ATP6V0A2: variants seen among roughly 807,000 people sequenced by gnomAD.
The protein encoded by ATP6V0A2 is V-type proton ATPase 116 kDa subunit a 2.
A neutral mutation model predicts 104.4 loss-of-function variants in ATP6V0A2; 58 were observed. That is an observed-to-expected ratio of 0.56 (90% CI 0.45 to 0.69). ATP6V0A2 has a LOEUF of 0.69. ATP6V0A2 is among the 30% of genes least tolerant of loss of function. The probability of loss-of-function intolerance (pLI) is 0.00; values close to 1 mark genes in which losing one functional copy is unlikely to be tolerated. For synonymous variants in ATP6V0A2, 376 were observed against 397.9 expected (o/e 0.95, Z 0.65); for missense variants, 938 against 1,062.9 (o/e 0.88, Z 1.63).
At chr12:123,720,425 G>C (rs1258474923) in intron 2 of ATP6V0A2, among the ~76,000 whole-genome samples, 1 of 152,188 alleles carries the variant, frequency 6.6e-6, no homozygotes. Context: ...GGCTGGGCAC[G>C]ATGGCTCACG....
At chr12:123,746,414 C>T (rs1389654782) in intron 13 of ATP6V0A2, among the ~76,000 whole-genome samples, 1 of 151,696 alleles carries the variant, frequency 6.6e-6, no homozygotes, top group African/African-American at 2.4e-5. Context: ...CCCTGAATAC[C>T]TCATTCTAAA....
At chr12:123,715,200 A>C (rs576925182) in intron 1 of ATP6V0A2, among the ~76,000 whole-genome samples, 1 of 152,258 alleles carries the variant, frequency 6.6e-6, no homozygotes, top group South Asian at 2.1e-4. Flanking sequence ...TTGTAGAAAC[A>C]TCATGCCCAT....
In ATP6V0A2 at chr12:123,737,270, C is replaced by G; in HGVS notation, c.1037C>G (p.Ser346Trp). ...QDLRRALEEG[S>W]RESGATIPSF... ...CTGCGCCGGGCACTGGAGGAGGGCT[C>G]GGTAAGGCTGCCTTCCTCTCCTCTG... is the stretch of plus-strand genomic sequence containing the variant. Residue 346 changes from serine to tryptophan, a missense_variant and splice_region_variant, in exon 9 of 20, where the codon TCG (serine) becomes TGG (tryptophan). Coordinates refer to ENST00000330342, the MANE Select transcript of ATP6V0A2 (RefSeq NM_012463.4). 6.2e-7 allele frequency: 1 copy of G among 1,613,838 alleles called. No homozygotes were observed. Among genetic ancestry groups the G allele is most frequent in the Non-Finnish European group, 8.5e-7 (1 of 1,179,934 alleles).
chr12:123,751,250 A>C, intron 16 of ATP6V0A2, 21 bp downstream of exon 16: 1 of 1,614,140 alleles, frequency 6.2e-7, no homozygotes, highest in Non-Finnish European at 8.5e-7. Flanking sequence ...GTTTGGATGC[A>C]TTTACAACTG....
chr12:123,727,445 A>G (rs1384927771), intron 5 of ATP6V0A2, among the ~76,000 whole-genome samples: 1 of 151,942 alleles, frequency 6.6e-6, no homozygotes, highest in African/African-American at 2.4e-5. Flanking sequence ...CGCCTGGCTA[A>G]TTTTTGTATT....
intron 6 of ATP6V0A2, chr12:123,731,114 T>G (rs1204098019): frequency 6.6e-6 from 1 of 152,194 alleles, no homozygotes; most frequent in Non-Finnish European, 1.5e-5. Context: ...GTCCCCACGG[T>G]TATAAAGAAA....
intron 6 of ATP6V0A2, chr12:123,730,999 C>T (rs1455794171): frequency 2.0e-5 from 3 of 152,200 alleles, no homozygotes; most frequent in Admixed American, 1.3e-4. Context: ...AGCCACCATG[C>T]CTGGCCTCTT....
chr12:123,741,990 A>T (rs2135907052), intron 9 of ATP6V0A2, among the ~76,000 whole-genome samples: 1 of 151,646 alleles, frequency 6.6e-6, no homozygotes, highest in South Asian at 2.1e-4. Flanking sequence ...TCTCTTGTGA[A>T]CTCCTCTGTC....
chr12:123,715,626 A>G (rs1233972992), intron 1 of ATP6V0A2, among the ~76,000 whole-genome samples: 2 of 152,164 alleles, frequency 1.3e-5, no homozygotes, highest in Non-Finnish European at 2.9e-5. Flanking sequence ...ATATACTGTA[A>G]ATTGTTGAAG....
intron 14 of ATP6V0A2, among the ~76,000 whole-genome samples, 178 bp from the exon 15 acceptor site, chr12:123,748,397 G>A (rs962843111): frequency 6.6e-6 from 1 of 152,210 alleles, no homozygotes; most frequent in African/African-American, 2.4e-5. Flanking sequence ...AGTTTTGGCC[G>A]ACCTCACGTC....
rs148134134 is a variant in ATP6V0A2 at position 123,753,392 on chromosome 12, C to T, written c.2175+990C>T. ...ACAAGAGACTTGTTTCTCACAGCCC[C>T]GGAGGCTGGCAGGCCCGGACTGAGA... On this transcript the variant is annotated intron_variant, in intron 17 of 19. Transcript: ENST00000330342. 7.5e-3 allele frequency among the ~76,000 whole-genome samples: 1,149 copies of T among 152,348 alleles called. 11 individuals are homozygous for T. Among genetic ancestry groups the T allele is most frequent in the Non-Finnish European group, 0.012 (820 of 68,028 alleles).
chr12:123,722,326 A>G, intron 2 of ATP6V0A2, 25 bp from the exon 3 acceptor site: 2 of 1,332,028 alleles, frequency 1.5e-6, no homozygotes, highest in Non-Finnish European at 2.2e-6. Context: ...TTTAGTATCT[A>G]ATTGTTTAAC....
In ATP6V0A2 at chr12:123,735,524, C is replaced by T; in HGVS notation, c.732-7C>T. On this transcript the variant is annotated splice_polypyrimidine_tract_variant and splice_region_variant and intron_variant, in intron 7 of 19. Transcript: ENST00000330342. ...ATGTGAGACTGTGTTCAACTCTTGT[C>T]TTCCAGCTACCACTGCCACGTGTAC... 6.2e-7 allele frequency: 1 copy of T among 1,613,368 alleles called. No homozygotes were observed. Among genetic ancestry groups the T allele is most frequent in the Non-Finnish European group, 8.5e-7 (1 of 1,179,430 alleles).
rs534203250 is a variant in ATP6V0A2 at position 123,741,189 on chromosome 12, T to C, written c.1039-2596T>C. On this transcript the variant is annotated intron_variant, in intron 9 of 19. Coordinates refer to ENST00000330342, the MANE Select transcript of ATP6V0A2 (RefSeq NM_012463.4). ...ACTCACGCTGGTAATCCCAGCACTC[T>C]GGAGGCTGAGGCGGGCGGATCACTT... Among the ~76,000 whole-genome samples the C allele has an allele frequency of 2.3e-4, 35 of 152,240 alleles. No individual in the cohort carries two copies. The South Asian group carries it at 7.3e-3, about 32-fold the overall frequency.
In ATP6V0A2 at chr12:123,751,644, ACT is replaced by A. The variant is rs559536551; in HGVS notation, c.2055+418_2055+419del. Among the ~76,000 whole-genome samples the A allele has an allele frequency of 3.7e-3, 569 of 151,958 alleles. 2 individuals are homozygous for A. Among genetic ancestry groups the A allele is most frequent in the African/African-American group, 0.013 (525 of 41,420 alleles). The stretch of plus-strand genomic sequence containing the variant: ...ACTCCAGCCTGGGCAACAGAGCAAG[ACT>A]CTGTCTCAAAATAAATAAGTAAATG... On this transcript the variant is annotated intron_variant, in intron 16 of 19. Coordinates refer to ENST00000330342, the MANE Select transcript of ATP6V0A2 (RefSeq NM_012463.4).
At chr12:123,726,624 G>A (rs1956451148) in intron 5 of ATP6V0A2, among the ~76,000 whole-genome samples, 1 of 152,180 alleles carries the variant, frequency 6.6e-6, no homozygotes, top group Non-Finnish European at 1.5e-5. Context: ...AACCGAGTTG[G>A]TTAGTTTTTT....
intron 6 of ATP6V0A2, 27 bp from the exon 7 acceptor site, chr12:123,733,899 A>G: frequency 6.5e-7 from 1 of 1,548,758 alleles, no homozygotes; most frequent in East Asian, 2.2e-5. Flanking sequence ...CGCAGAAATA[A>G]CACTTATCCT....
chr12:123,740,408 A>G (rs1414021242), intron 9 of ATP6V0A2, among the ~76,000 whole-genome samples: 1 of 152,022 alleles, frequency 6.6e-6, no homozygotes, highest in African/African-American at 2.4e-5. Context: ...ATGGGGTTTC[A>G]TAATGTTGGC....
At chr12:123,724,537 A>G in intron 3 of ATP6V0A2, 117 bp from the exon 4 acceptor site, 2 of 1,185,090 alleles carry the variant, frequency 1.7e-6, no homozygotes, top group Admixed American at 2.1e-5. Context: ...TCAAAAAAAA[A>G]AAAAAGAAAA....
Sources: allele counts gnomAD v4.1 joint callset (sites outside exome capture counted in the v4.1 genomes callset), GRCh38; gene constraint gnomAD v4.1.1; transcripts MANE v1.5; gene names NCBI Gene and HGNC (gene_info 2026-07-23, HGNC 2026-07-21).